The following TMEM117 variants were observed in gnomAD, a reference collection of about 807,000 sequenced individuals.
The protein encoded by TMEM117 is transmembrane protein 117.
TMEM117 carries 27 observed loss-of-function variants against 52.4 expected under a neutral mutation model. The ratio of observed to expected loss-of-function variants is 0.51; its 90% CI spans 0.38 to 0.71. The LOEUF is 0.71. Ranked by LOEUF, TMEM117 falls within the 30% of genes least tolerant of loss-of-function variation. The probability of loss-of-function intolerance (pLI) is 0.00; values close to 1 mark genes in which losing one functional copy is unlikely to be tolerated. For synonymous variants in TMEM117, 215 were observed against 206.3 expected (o/e 1.04, Z -0.36); for missense variants, 556 against 630.5 (o/e 0.88, Z 1.26).
chr12:43,993,323 C>A (rs1945973260), intron 3 of TMEM117, among the ~76,000 whole-genome samples: 1 of 152,188 alleles, frequency 6.6e-6, no homozygotes, highest in South Asian at 2.1e-4. Context: ...AAATGTGAAA[C>A]ACCTGGCACA....
intron 5 of TMEM117, among the ~76,000 whole-genome samples, chr12:44,261,179 G>T (rs1950316948): frequency 6.6e-6 from 1 of 152,132 alleles, no homozygotes. Flanking sequence ...TATTTATGGA[G>T]CAATCTTATA....
At chr12:44,231,031 T>C (rs920321166) in intron 5 of TMEM117, among the ~76,000 whole-genome samples, 1 of 151,978 alleles carries the variant, frequency 6.6e-6, no homozygotes, top group African/African-American at 2.4e-5. Flanking sequence ...CCCCTGTGTA[T>C]CCTCTACTGC....
chr12:44,223,226 G>A (rs1949814191), intron 5 of TMEM117, among the ~76,000 whole-genome samples: 1 of 151,906 alleles, frequency 6.6e-6, no homozygotes. Flanking sequence ...AAATGCCCCA[G>A]TGTGTGAACA....
rs958551606 is a variant in TMEM117, at chr12:43,978,037, A to G, written c.410+33695A>G. Among the ~76,000 whole-genome samples the G allele has an allele frequency of 1.1e-4, 16 of 152,184 alleles. 1 individual carries two copies. Among genetic ancestry groups the G allele is most frequent in the Non-Finnish European group, 2.4e-4 (16 of 68,020 alleles). ...GTTAACACTTGTTGAAGGAGGGGAC[A>G]TGCCTGTGAGCTGGCAATCTGGGCA... On this transcript the variant is annotated intron_variant, in intron 3 of 7. Transcript: ENST00000266534.
At chr12:44,397,633 A>G in the TMEM117 span, among the ~76,000 whole-genome samples, 31 of 152,230 alleles carry the variant, frequency 2.0e-4, no homozygotes, top group Non-Finnish European at 3.4e-4. Flanking sequence ...GAAAACATCA[A>G]TTATTCCTCC....
intron 2 of TMEM117, among the ~76,000 whole-genome samples, chr12:43,896,268 A>C (rs1012925657): frequency 6.6e-6 from 1 of 152,222 alleles, no homozygotes; most frequent in African/African-American, 2.4e-5. Flanking sequence ...GGAGGTTCTC[A>C]GACTATCAGT....
chr12:44,029,387 A>G (rs1946596349), intron 3 of TMEM117, among the ~76,000 whole-genome samples: 1 of 152,298 alleles, frequency 6.6e-6, no homozygotes, highest in Admixed American at 6.5e-5. Flanking sequence ...ATCCTTAGGC[A>G]TGTACAGGCA....
chr12:44,146,218 C>T (rs965155868), intron 4 of TMEM117, among the ~76,000 whole-genome samples: 1 of 152,144 alleles, frequency 6.6e-6, no homozygotes, highest in Non-Finnish European at 1.5e-5. Flanking sequence ...CACAGTTCAG[C>T]CTGTGATCTT....
chr12:43,798,555 G>T, the TMEM117 span: 4 of 1,517,174 alleles, frequency 2.6e-6, no homozygotes, highest in Non-Finnish European at 3.5e-6. Context: ...GAACATATGC[G>T]AATGCATACC....
chr12:44,036,455 A>G (rs542201234), intron 3 of TMEM117, among the ~76,000 whole-genome samples: 1 of 152,308 alleles, frequency 6.6e-6, no homozygotes, highest in Admixed American at 6.5e-5. Context: ...GCATTCAATT[A>G]ATATGTTATT....
chr12:44,229,018 G>A (rs766033148), intron 5 of TMEM117, among the ~76,000 whole-genome samples: 5 of 152,124 alleles, frequency 3.3e-5, no homozygotes, highest in Non-Finnish European at 7.4e-5. Context: ...AGTGGCAGTG[G>A]TACAGGTGGA....
intron 5 of TMEM117, among the ~76,000 whole-genome samples, chr12:44,251,402 TCTAAGG>T (rs898279212): frequency 6.6e-6 from 1 of 152,196 alleles, no homozygotes; most frequent in African/African-American, 2.4e-5. Flanking sequence ...ATTTAAGGCC[TCTAAGG>T]CCATCGGTTG....
intron 5 of TMEM117, among the ~76,000 whole-genome samples, chr12:44,222,030 T>G (rs1949795768): frequency 6.6e-6 from 1 of 152,124 alleles, no homozygotes; most frequent in Non-Finnish European, 1.5e-5. Context: ...CTTCTTGACT[T>G]CTTTACCTTA....
intron 2 of TMEM117, among the ~76,000 whole-genome samples, chr12:43,917,377 A>G (rs1006316735): frequency 6.6e-6 from 1 of 152,124 alleles, no homozygotes. Flanking sequence ...AAGAATGCTA[A>G]CTCACCTTGA....
intron 2 of TMEM117, among the ~76,000 whole-genome samples, chr12:43,900,156 T>G (rs539700227): frequency 2.0e-5 from 3 of 152,318 alleles, no homozygotes; most frequent in African/African-American, 7.2e-5. Flanking sequence ...CGCTGGAGTT[T>G]GCTGCAGCAT....
intron 2 of TMEM117, among the ~76,000 whole-genome samples, chr12:43,872,521 A>C (rs1943724293): frequency 6.6e-6 from 1 of 152,186 alleles, no homozygotes; most frequent in African/African-American, 2.4e-5. Context: ...GAGAATTTCA[A>C]ATACTTATTT....
rs114582630 is a variant in TMEM117, at chr12:43,934,189, T to C, written c.278-10021T>C. The stretch of plus-strand genomic sequence containing the variant: ...TGTGCTGATAAATTTTACCTTGGGC[T>C]ACAAGGTAATATGTAGTATTAATAT... On this transcript the variant is annotated intron_variant, in intron 2 of 7. Coordinates refer to ENST00000266534, the MANE Select transcript of TMEM117 (RefSeq NM_032256.3). Among the ~76,000 whole-genome samples, 1,487 of 152,274 alleles carry C rather than the reference T, an allele frequency of 9.8e-3. 34 individuals carry two copies. The highest frequency in any genetic ancestry group is 0.034 in the African/African-American group (1,399 of 41,548).
intron 7 of TMEM117, among the ~76,000 whole-genome samples, chr12:44,381,672 G>A (rs964042276): frequency 1.3e-5 from 2 of 152,198 alleles, no homozygotes; most frequent in African/African-American, 4.8e-5. Context: ...AGCCTGTATA[G>A]TGTCTGTTCT....
At chr12:44,002,797 G>T (rs966810984) in intron 3 of TMEM117, among the ~76,000 whole-genome samples, 6 of 151,200 alleles carry the variant, frequency 4.0e-5, no homozygotes, top group Non-Finnish European at 8.8e-5. Flanking sequence ...GAAGGAGTGG[G>T]CAGCATGGAC....
Sources: allele counts gnomAD v4.1 joint callset (sites outside exome capture counted in the v4.1 genomes callset), GRCh38; gene constraint gnomAD v4.1.1; transcripts MANE v1.5; gene names NCBI Gene and HGNC (gene_info 2026-07-23, HGNC 2026-07-21).